The following PTPRQ variants were observed in gnomAD, a reference collection of about 807,000 sequenced individuals.
The protein encoded by PTPRQ is protein tyrosine phosphatase receptor type Q.
PTPRQ carries 199 observed loss-of-function variants against 246.0 expected under a neutral mutation model. The observed-to-expected ratio is 0.81, with a 90% CI of 0.72 to 0.91. The LOEUF is 0.91. Among genes scored for constraint, PTPRQ ranks in the 40% least tolerant of loss-of-function variants. The pLI, the probability that PTPRQ is intolerant of heterozygous loss-of-function variation, is 0.00. For missense variants in PTPRQ, 2,624 were observed against 2,528.4 expected (o/e 1.04, Z -0.81); for synonymous variants, 869 against 853.2 (o/e 1.02, Z -0.32).
At chr12:80,589,826 C>T (rs1022143264) in intron 26 of PTPRQ, among the ~76,000 whole-genome samples, 2 of 152,130 alleles carry the variant, frequency 1.3e-5, no homozygotes, top group Non-Finnish European at 2.9e-5. Context: ...GCTCCGTCTC[C>T]GTCCTCTTTG....
chr12:80,652,854 T>C lies in PTPRQ; in HGVS notation c.6115+20T>C. On this transcript the variant is annotated intron_variant, in intron 38 of 44. Coordinates refer to ENST00000644991, the MANE Select transcript of PTPRQ (RefSeq NM_001145026.2). ...AACCATGTATGTGCATTTGTTGGTT[T>C]TGGTTTAGCTAGGAAATATTTTTAA... 6.9e-7 allele frequency: 1 copy of C among 1,456,762 alleles called. No homozygotes were observed. Among genetic ancestry groups the C allele is most frequent in the Non-Finnish European group, 9.0e-7 (1 of 1,106,664 alleles). 90.2% of individuals were successfully genotyped at this position (1,456,762 alleles called of 1,614,324 possible).
chr12:80,587,776 A>T (rs562469519), intron 25 of PTPRQ, among the ~76,000 whole-genome samples: 18 of 152,310 alleles, frequency 1.2e-4, no homozygotes, highest in Admixed American at 3.9e-4. Flanking sequence ...ACAAACTCAA[A>T]CCATACCTAG....
chr12:80,527,756 T>C (rs1261899646), intron 17 of PTPRQ, among the ~76,000 whole-genome samples: 3 of 151,994 alleles, frequency 2.0e-5, no homozygotes, highest in South Asian at 2.1e-4. Flanking sequence ...GAGGCCAAGG[T>C]GGGCAGATGG....
intron 25 of PTPRQ, among the ~76,000 whole-genome samples, chr12:80,576,410 G>A (rs924576652): frequency 4.6e-5 from 7 of 151,868 alleles, no homozygotes; most frequent in Non-Finnish European, 2.9e-5. Context: ...CAAAGTGTTG[G>A]GATTATAGGC....
At chr12:80,649,023 T>C in intron 36 of PTPRQ, 100 bp downstream of exon 36, 1 of 1,184,594 alleles carries the variant, frequency 8.4e-7, no homozygotes. Context: ...TGTATGTTTG[T>C]TGGAAAAACC....
intron 17 of PTPRQ, among the ~76,000 whole-genome samples, chr12:80,513,669 C>G (rs1239275423): frequency 6.6e-6 from 1 of 152,158 alleles, no homozygotes; most frequent in African/African-American, 2.4e-5. Context: ...CCCCGCACTT[C>G]CCTGCCCCCA....
chr12:80,602,505 T>A (rs1397384566), intron 26 of PTPRQ, among the ~76,000 whole-genome samples: 1 of 151,694 alleles, frequency 6.6e-6, no homozygotes, highest in Non-Finnish European at 1.5e-5. Context: ...GCAGACAGAT[T>A]TGCTTATCTG....
intron 39 of PTPRQ, among the ~76,000 whole-genome samples, chr12:80,665,946 A>G (rs1181537567): frequency 6.6e-6 from 1 of 152,054 alleles, no homozygotes; most frequent in East Asian, 1.9e-4. Context: ...AAAAAATAAC[A>G]AATGCCAGCA....
intron 33 of PTPRQ, among the ~76,000 whole-genome samples, chr12:80,631,460 G>T (rs1386808603): frequency 1.3e-5 from 2 of 151,214 alleles, no homozygotes; most frequent in African/African-American, 4.9e-5. Flanking sequence ...TAAATATAAG[G>T]CTTGAATTCT....
chr12:80,651,045 A>G (rs576696386), intron 37 of PTPRQ, among the ~76,000 whole-genome samples: 19 of 152,162 alleles, frequency 1.2e-4, no homozygotes, highest in African/African-American at 4.6e-4. Context: ...AGTTCCTACT[A>G]TGTGATAGGC....
intron 25 of PTPRQ, among the ~76,000 whole-genome samples, chr12:80,574,731 T>A (rs1482597555): frequency 6.6e-6 from 1 of 152,220 alleles, no homozygotes; most frequent in Non-Finnish European, 1.5e-5. Context: ...GTTATATTTT[T>A]TGTACTTACT....
intron 6 of PTPRQ, 106 bp from the exon 7 acceptor site, chr12:80,468,604 A>G (rs1367073657): frequency 8.5e-7 from 1 of 1,171,848 alleles, no homozygotes; most frequent in African/African-American, 1.6e-5. Flanking sequence ...TTTAAGCGCG[A>G]TATTTTATTT....
At chr12:80,636,806 A>C (rs1387997536) in intron 35 of PTPRQ, among the ~76,000 whole-genome samples, 3 of 152,270 alleles carry the variant, frequency 2.0e-5, no homozygotes, top group East Asian at 3.9e-4. Context: ...CTTTTTGTTT[A>C]TTATGTCATG....
rs867050690 is a variant in PTPRQ at position 80,620,055 on chromosome 12, C to T, written c.5390-99C>T. On this transcript the variant is annotated intron_variant, in intron 31 of 44. Transcript: ENST00000644991. ...TTATCTCTGGTGACTGATGTTGCAT[C>T]GAGAGTCCCCTTATACAATTATAAA... 29 of 1,376,280 alleles carry T rather than the reference C, an allele frequency of 2.1e-5. No homozygotes were observed. In the Middle Eastern group the frequency reaches 8.1e-4, roughly 38 times the overall value. 85.3% of individuals were successfully genotyped at this position (1,376,280 alleles called of 1,614,324 possible).
At position 80,670,636 on chromosome 12, in the gene PTPRQ, A is replaced by T. The variant is rs1013326564; in HGVS notation, c.6602+144A>T. On this transcript the variant is annotated intron_variant, in intron 42 of 44. Coordinates refer to ENST00000644991, the MANE Select transcript of PTPRQ (RefSeq NM_001145026.2). Reference sequence around the variant, plus strand: ...TTTCACATTTAGCATTTCTAGACACATTGGTATGATTTATGTTTTCTGACA... The same window carrying T: ...TTTCACATTTAGCATTTCTAGACACTTTGGTATGATTTATGTTTTCTGACA... The T allele has an allele frequency of 4.8e-6, 6 of 1,241,980 alleles. No homozygotes were observed. In the African/African-American group the frequency reaches 9.3e-5, roughly 19 times the overall value. 76.9% of individuals were successfully genotyped at this position (1,241,980 alleles called of 1,614,324 possible). A position where few individuals can be genotyped will look rare whatever the true frequency, so the allele number is the denominator to read the frequency against.
intron 14 of PTPRQ, among the ~76,000 whole-genome samples, chr12:80,499,669 T>C (rs1894736956): frequency 6.6e-6 from 1 of 151,962 alleles, no homozygotes; most frequent in Non-Finnish European, 1.5e-5. Context: ...AGTTATTTGG[T>C]TAAATGCCTT....
At chr12:80,534,780 TGAAAAACA>T in intron 18 of PTPRQ, 104 bp from the exon 19 acceptor site, 1 of 1,342,284 alleles carries the variant, frequency 7.4e-7, no homozygotes, top group Non-Finnish European at 9.9e-7. Flanking sequence ...CAAGCTTTTT[TGAAAAACA>T]TTTTTTATCA....
chr12:80,452,982 C>A (rs1046383067), intron 3 of PTPRQ, among the ~76,000 whole-genome samples: 12 of 152,182 alleles, frequency 7.9e-5, no homozygotes, highest in Non-Finnish European at 2.9e-5. Flanking sequence ...GTTTCATTCT[C>A]CCCATCACTT....
chr12:80,653,389 T>C lies in PTPRQ; in HGVS notation c.6115+555T>C, dbSNP rs144753070. 4.6e-5 allele frequency among the ~76,000 whole-genome samples: 7 copies of C among 152,280 alleles called. No homozygotes were observed. In the East Asian group the frequency reaches 1.3e-3, roughly 29 times the overall value. ...GTGTTATTGCTTAAAGAATTAACAG[T>C]GATGTGAAAGGAAAATAGGACATTT... On this transcript the variant is annotated intron_variant, in intron 38 of 44. Transcript: ENST00000644991.
Sources: gnomAD v4.1 joint callset for allele counts (sites outside exome capture counted in the v4.1 genomes callset) on GRCh38, gnomAD v4.1.1 for gene constraint, MANE v1.5 for transcripts, NCBI Gene and HGNC (gene_info 2026-07-23, HGNC 2026-07-21) for gene names.